CTNNA3: variants seen among roughly 807,000 people sequenced by gnomAD.
CTNNA3 encodes the protein catenin alpha-3.
Under a neutral mutation model 95.7 loss-of-function variants are expected in CTNNA3, and 76 were observed. That is an observed-to-expected ratio of 0.79 (90% confidence interval 0.66 to 0.96). The LOEUF (loss-of-function observed/expected upper bound fraction) is 0.96. CTNNA3 is among the 40% of genes least tolerant of loss of function. The pLI, the probability that CTNNA3 is intolerant of heterozygous loss-of-function variation, is 0.00. For synonymous variants in CTNNA3, 431 were observed against 374.4 expected (o/e 1.15, Z -1.74); for missense variants, 1,191 against 1,089.8 (o/e 1.09, Z -1.31).
intron 9 of CTNNA3, among the ~76,000 whole-genome samples, chr10:66,738,065 C>T (rs1299298584): frequency 1.3e-5 from 2 of 152,202 alleles, no homozygotes; most frequent in African/African-American, 4.8e-5. Context: ...AGGTCTTTTT[C>T]ACCAGCTTTC....
intron 7 of CTNNA3, among the ~76,000 whole-genome samples, chr10:66,815,788 A>T (rs887116595): frequency 1.3e-4 from 20 of 152,320 alleles, no homozygotes; most frequent in Admixed American, 1.3e-3. Flanking sequence ...AGCAGAAATG[A>T]CATTCTCAGG....
At chr10:67,385,912 C>T (rs924242276) in intron 5 of CTNNA3, among the ~76,000 whole-genome samples, 3 of 151,698 alleles carry the variant, frequency 2.0e-5, no homozygotes, top group African/African-American at 7.3e-5. Flanking sequence ...AAGCTACCAG[C>T]CTGTGCACGG....
chr10:66,479,957 C>CACAA (rs1033133975), intron 11 of CTNNA3, among the ~76,000 whole-genome samples: 20 of 151,348 alleles, frequency 1.3e-4, no homozygotes, highest in African/African-American at 4.6e-4. Flanking sequence ...CATTCACACA[C>CACAA]ACACACACAC....
At chr10:67,240,870 A>G (rs554306534) in intron 5 of CTNNA3, among the ~76,000 whole-genome samples, 62 of 152,194 alleles carry the variant, frequency 4.1e-4, no homozygotes, top group African/African-American at 5.5e-4. Context: ...GTAAAGTTCA[A>G]AAATGCACTA....
chr10:66,565,650 G>A (rs935289197), intron 10 of CTNNA3, among the ~76,000 whole-genome samples: 12 of 152,168 alleles, frequency 7.9e-5, no homozygotes, highest in Non-Finnish European at 1.3e-4. Context: ...TCGCGCCTGA[G>A]GTTGCTGCAA....
intron 7 of CTNNA3, among the ~76,000 whole-genome samples, chr10:66,812,758 A>T (rs1030351820): frequency 3.3e-5 from 5 of 152,098 alleles, no homozygotes; most frequent in Non-Finnish European, 7.4e-5. Flanking sequence ...TGCTTTCTTC[A>T]TCACTAACAA....
In CTNNA3 at chr10:66,669,913, G is replaced by A. The variant is rs150759126; in HGVS notation, c.1282-48129C>T. Reference sequence around the variant, plus strand: ...ATGCTGTCAGCAACACAGTGAGGCAGTGAGGGTGAGGAGAGGAAGGGGGGA... The same window carrying A: ...ATGCTGTCAGCAACACAGTGAGGCAATGAGGGTGAGGAGAGGAAGGGGGGA... On this transcript the variant is annotated intron_variant, in intron 9 of 17. Transcript: ENST00000433211. Among the ~76,000 whole-genome samples, 425 of 152,284 alleles carry A rather than the reference G, an allele frequency of 2.8e-3. 5 individuals carry two copies. The highest frequency in any genetic ancestry group is 7.7e-4 in the East Asian group (4 of 5,186).
intron 15 of CTNNA3, among the ~76,000 whole-genome samples, chr10:66,033,154 C>T (rs187329111): frequency 4.4e-5 from 5 of 112,424 alleles, no homozygotes; most frequent in South Asian, 3.1e-4. Flanking sequence ...TTTTTTGAGA[C>T]GAGTCTCGCT....
At chr10:67,198,173 A>G (rs1863463171) in intron 6 of CTNNA3, among the ~76,000 whole-genome samples, 1 of 152,096 alleles carries the variant, frequency 6.6e-6, no homozygotes, top group African/African-American at 2.4e-5. Flanking sequence ...CAGCTCTTAA[A>G]GTTGATTTTC....
intron 7 of CTNNA3, among the ~76,000 whole-genome samples, chr10:67,101,849 A>G (rs1056383155): frequency 6.6e-6 from 1 of 151,796 alleles, no homozygotes; most frequent in Non-Finnish European, 1.5e-5. Flanking sequence ...TCTCAAACTA[A>G]ACACTCAAAA....
intron 5 of CTNNA3, among the ~76,000 whole-genome samples, chr10:67,332,204 T>C (rs1335961919): frequency 6.6e-6 from 1 of 152,244 alleles, no homozygotes; most frequent in Non-Finnish European, 1.5e-5. Context: ...TTAAATTTCC[T>C]AGAAAATCTT....
At chr10:66,953,064 T>C (rs1293383604) in intron 7 of CTNNA3, among the ~76,000 whole-genome samples, 1 of 152,042 alleles carries the variant, frequency 6.6e-6, no homozygotes, top group Non-Finnish European at 1.5e-5. Context: ...GAAACAACTC[T>C]AGTGTACAGA....
chr10:67,491,558 T>C (rs1244003045), intron 5 of CTNNA3, among the ~76,000 whole-genome samples: 1 of 152,176 alleles, frequency 6.6e-6, no homozygotes, highest in Non-Finnish European at 1.5e-5. Flanking sequence ...GCTGTAACAG[T>C]ATATGCAAAG....
chr10:67,133,678 C>A (rs1331959539), intron 7 of CTNNA3, among the ~76,000 whole-genome samples: 1 of 151,840 alleles, frequency 6.6e-6, no homozygotes, highest in Non-Finnish European at 1.5e-5. Flanking sequence ...TGCAGCAGAT[C>A]AACTCAAAGA....
intron 7 of CTNNA3, among the ~76,000 whole-genome samples, chr10:67,041,427 G>A (rs996336051): frequency 3.3e-5 from 5 of 152,060 alleles, no homozygotes; most frequent in African/African-American, 1.2e-4. Flanking sequence ...GTATACCTAT[G>A]TTGCAAATAT....
intron 5 of CTNNA3, among the ~76,000 whole-genome samples, chr10:67,485,962 C>T (rs770642800): frequency 6.6e-6 from 1 of 152,140 alleles, no homozygotes; most frequent in Non-Finnish European, 1.5e-5. Context: ...ATAAATAATG[C>T]CGTATCTTCT....
At chr10:67,420,797 G>C (rs774132236) in intron 5 of CTNNA3, among the ~76,000 whole-genome samples, 3 of 151,790 alleles carry the variant, frequency 2.0e-5, no homozygotes, top group Non-Finnish European at 2.9e-5. Flanking sequence ...ATTGTTATAC[G>C]ATATTAAACC....
intron 12 of CTNNA3, among the ~76,000 whole-genome samples, chr10:66,362,748 T>C (rs2092685882): frequency 6.6e-6 from 1 of 151,886 alleles, no homozygotes; most frequent in Admixed American, 6.6e-5. Context: ...ATTTGATAAA[T>C]TGGAAGCTTT....
intron 10 of CTNNA3, among the ~76,000 whole-genome samples, chr10:66,557,197 G>T (rs1204669090): frequency 6.6e-6 from 1 of 151,870 alleles, no homozygotes; most frequent in African/African-American, 2.4e-5. Context: ...TGTGCATATT[G>T]GGAAAAGGCA....
Sources: allele counts gnomAD v4.1 joint callset (sites outside exome capture counted in the v4.1 genomes callset), GRCh38; gene constraint gnomAD v4.1.1; transcripts MANE v1.5; gene names NCBI Gene and HGNC (gene_info 2026-07-23, HGNC 2026-07-21).